GRIK3: variants seen among roughly 807,000 people sequenced by gnomAD.
GRIK3 encodes glutamate receptor ionotropic, kainate 3.
A neutral mutation model predicts 102.5 loss-of-function variants in GRIK3; 29 were observed. The observed-to-expected ratio is 0.28, with a 90% CI of 0.21 to 0.39. GRIK3 has a LOEUF of 0.39. GRIK3 is among the 10% of genes least tolerant of loss of function. GRIK3 has a pLI of 1.00. For missense variants in GRIK3, 908 were observed against 1,252.4 expected (o/e 0.73, Z 4.15); for synonymous variants, 511 against 504.9 (o/e 1.01, Z -0.16).
At chr1:36,816,982 C>T (rs964887097) in intron 13 of GRIK3, 78 bp downstream of exon 13, 11 of 970,316 alleles carry the variant, frequency 1.1e-5, no homozygotes, top group Non-Finnish European at 1.6e-5. Flanking sequence ...GGACAGAGAC[C>T]CCCTTTCCTC....
At chr1:36,999,331 G>A (rs1460539231) in intron 1 of GRIK3, among the ~76,000 whole-genome samples, 2 of 152,136 alleles carry the variant, frequency 1.3e-5, no homozygotes, top group Non-Finnish European at 1.5e-5. Context: ...ATCCCTGTCC[G>A]AGAGCAGATG....
intron 2 of GRIK3, among the ~76,000 whole-genome samples, chr1:36,886,393 C>T (rs1042714749): frequency 6.6e-6 from 1 of 152,190 alleles, no homozygotes; most frequent in Non-Finnish European, 1.5e-5. Context: ...CCCCAAGCCC[C>T]AGGTTCCTTG....
At chr1:36,927,529 C>T (rs1401501906) in intron 1 of GRIK3, among the ~76,000 whole-genome samples, 2 of 152,056 alleles carry the variant, frequency 1.3e-5, no homozygotes, top group Admixed American at 6.5e-5. Flanking sequence ...AAGTGAATTT[C>T]GTTCAGGTGT....
intron 14 of GRIK3, among the ~76,000 whole-genome samples, 168 bp downstream of exon 14, chr1:36,805,936 C>CAAAAAAAAAAAAAAAAAAAAAA (rs749853809): frequency 2.5e-4 from 8 of 31,590 alleles, no homozygotes; most frequent in South Asian, 1.2e-3. Flanking sequence ...AACTCCACCT[C>CAAAAAAAAAAAAAAAAAAAAAA]AAAAAAAAAA....
At chr1:36,827,410 A>AC (rs200653014) in intron 10 of GRIK3, among the ~76,000 whole-genome samples, 3,178 of 152,266 alleles carry the variant, frequency 0.021, 116 homozygotes, top group African/African-American at 0.073. Context: ...GGGCCTAACA[A>AC]CAGAAAGGTT....
intron 15 of GRIK3, among the ~76,000 whole-genome samples, chr1:36,802,829 T>C (rs1458274786): frequency 1.9e-4 from 29 of 152,184 alleles, no homozygotes; most frequent in Non-Finnish European, 4.4e-5. Context: ...CTAGGCTTTG[T>C]ATTCTTGCTC....
chr1:36,987,127 C>G (rs1337378002), intron 1 of GRIK3, among the ~76,000 whole-genome samples: 1 of 152,190 alleles, frequency 6.6e-6, no homozygotes, highest in Non-Finnish European at 1.5e-5. Context: ...ATGAACACAC[C>G]ATGTCCAAAG....
chr1:36,947,220 C>CA (rs1169933429), intron 1 of GRIK3, among the ~76,000 whole-genome samples: 1 of 152,104 alleles, frequency 6.6e-6, no homozygotes, highest in Non-Finnish European at 1.5e-5. Context: ...CTCACCCTCA[C>CA]ATGCCTTTGT....
Position 36,850,940 on chromosome 1 carries a change from T to A in GRIK3, c.1213-516A>T, listed in dbSNP as rs554644298. On this transcript the variant is annotated intron_variant, in intron 8 of 15. Coordinates refer to ENST00000373091, the MANE Select transcript of GRIK3 (RefSeq NM_000831.4). This position sits in a 1 kb window ranked among gnomAD's most constrained non-coding sequence, Gnocchi z 4.0. ...ATTTAAAACTGGCAGACACACAGAC[T>A]AAGGTAGAATAATCTCTCTCTCTAC... 2.3e-4 allele frequency among the ~76,000 whole-genome samples: 35 copies of A among 152,332 alleles called. No individual in the cohort carries two copies. The highest frequency in any genetic ancestry group is 8.2e-4 in the African/African-American group (34 of 41,572).
chr1:36,815,079 C>A (rs1184088050), intron 13 of GRIK3, among the ~76,000 whole-genome samples: 1 of 152,242 alleles, frequency 6.6e-6, no homozygotes, highest in Non-Finnish European at 1.5e-5. Flanking sequence ...CATGTATACA[C>A]ATCCTCACCT....
At chr1:36,870,576 C>T (rs1220387110) in intron 4 of GRIK3, among the ~76,000 whole-genome samples, 6 of 152,182 alleles carry the variant, frequency 3.9e-5, no homozygotes, top group South Asian at 2.1e-4. Flanking sequence ...AGTCACAGCC[C>T]ACCTCAGCAC....
chr1:36,919,170 G>A (rs1202510052), intron 1 of GRIK3, among the ~76,000 whole-genome samples: 1 of 152,012 alleles, frequency 6.6e-6, no homozygotes. Context: ...TCCTTGCCTT[G>A]GTTTGTTCAC....
intron 1 of GRIK3, among the ~76,000 whole-genome samples, chr1:36,898,715 T>C (rs1260883926): frequency 2.0e-5 from 3 of 152,156 alleles, no homozygotes; most frequent in Non-Finnish European, 4.4e-5. Context: ...AAAATTCATA[T>C]GGAATTGCAA....
intron 1 of GRIK3, among the ~76,000 whole-genome samples, chr1:36,917,599 G>A (rs902328453): frequency 1.3e-5 from 2 of 152,184 alleles, no homozygotes; most frequent in African/African-American, 4.8e-5. Flanking sequence ...TTAATAAGGA[G>A]GAGTTTCCCT....
At chr1:36,853,057 GC>G (rs1640604044) in intron 8 of GRIK3, among the ~76,000 whole-genome samples, 1 of 152,320 alleles carries the variant, frequency 6.6e-6, no homozygotes, top group East Asian at 1.9e-4. Context: ...GGCCTTAGAA[GC>G]CCAGAGCGAA....
chr1:36,808,961 C>T (rs1428079641), intron 13 of GRIK3, among the ~76,000 whole-genome samples: 2 of 152,164 alleles, frequency 1.3e-5, no homozygotes, highest in African/African-American at 4.8e-5. Context: ...GATACTCTAC[C>T]ATCCTGGTTA....
At chr1:36,815,543 T>C (rs1462024721) in intron 13 of GRIK3, among the ~76,000 whole-genome samples, 27 of 152,200 alleles carry the variant, frequency 1.8e-4, no homozygotes, top group Admixed American at 1.8e-3. Context: ...AGTTGATTAA[T>C]AGATAAACAT....
chr1:36,841,918 G>A lies in GRIK3; in HGVS notation c.1348C>T (p.Arg450Trp). 3 of 1,614,140 alleles carry A rather than the reference G, an allele frequency of 1.9e-6. No homozygotes were observed. Among genetic ancestry groups the A allele is most frequent in the Non-Finnish European group, 2.5e-6 (3 of 1,179,990 alleles). ...CCGTATAGCGTCCTGTCTGATTTCCGAAACATGACGAAGGGCTCCTCCTGC... is the reference window on the plus strand; with the variant it reads ...CCGTATAGCGTCCTGTCTGATTTCCAAAACATGACGAAGGGCTCCTCCTGC... ...TVLEEPFVMFRKSDRTLYGND... is the reference protein window; with the variant it reads ...TVLEEPFVMFWKSDRTLYGND... Residue 450 changes from arginine (R) to tryptophan (W), a missense_variant, in exon 10 of 16, where the codon CGG (arginine) becomes TGG (tryptophan). Coordinates refer to ENST00000373091, the MANE Select transcript of GRIK3 (RefSeq NM_000831.4).
rs1165008504 is a variant in GRIK3 at position 36,850,580 on chromosome 1, C to T, written c.1213-156G>A. 1.3e-5 allele frequency among the ~76,000 whole-genome samples: 2 copies of T among 152,182 alleles called. No homozygotes were observed. The highest frequency in any genetic ancestry group is 1.9e-4 in the East Asian group (1 of 5,200). ...CTGCCATTGTGTTTCCAGTTATAACCGTTCTGGACAACATCCCTGCAGCTC... is the reference window on the plus strand; with the variant it reads ...CTGCCATTGTGTTTCCAGTTATAACTGTTCTGGACAACATCCCTGCAGCTC... On this transcript the variant is annotated intron_variant, in intron 8 of 15. Coordinates refer to ENST00000373091, the MANE Select transcript of GRIK3 (RefSeq NM_000831.4). This position sits in a 1 kb window ranked among gnomAD's most constrained non-coding sequence, Gnocchi z 4.0.
Sources: allele counts gnomAD v4.1 joint callset (sites outside exome capture counted in the v4.1 genomes callset), GRCh38; gene constraint gnomAD v4.1.1; non-coding constraint Gnocchi (gnomAD v3.1); transcripts MANE v1.5; gene names NCBI Gene and HGNC (gene_info 2026-07-23, HGNC 2026-07-21).